Variants in MXRA5 observed in about 807,000 individuals in gnomAD.
MXRA5 encodes the protein matrix-remodeling-associated protein 5.
MXRA5 carries 41 observed loss-of-function variants against 112.5 expected under a neutral mutation model. The ratio of observed to expected loss-of-function variants is 0.36; its 90% CI spans 0.28 to 0.47. The LOEUF is 0.47. Among genes scored for constraint, MXRA5 ranks in the 20% least tolerant of loss-of-function variants. The pLI is 0.99. For missense variants in MXRA5, 2,150 were observed against 2,251.0 expected (o/e 0.96, Z 0.91); for synonymous variants, 862 against 900.8 (o/e 0.96, Z 0.77).
rs763030055 is a variant in MXRA5, at chrX:3,311,428, C to A, written c.6775G>T (p.Gly2259Cys). 2.5e-6 allele frequency: 3 copies of A among 1,210,021 alleles called. No individual in the cohort carries two copies. The highest frequency in any genetic ancestry group is 3.4e-6 in the Non-Finnish European group (3 of 895,325). Residue 2259 changes from glycine to cysteine, a missense_variant, in exon 7 of 7, where the codon GGT becomes TGT. Coordinates refer to ENST00000217939, the MANE Select transcript of MXRA5 (RefSeq NM_015419.4). Reference protein sequence around the residue: ...EENDHKVFYGGDLKVDCVATG... With the variant: ...EENDHKVFYGCDLKVDCVATG... ...GCCACACAGTCCACTTTCAGGTCAC[C>A]CCCGTAGAAGACTTTGTGGTCGTTC...
chrX:3,325,170 G>A (rs868807687), intron 4 of MXRA5, among the ~76,000 whole-genome samples, 195 bp from the exon 5 acceptor site: 10 of 111,251 alleles, frequency 9.0e-5, no homozygotes, highest in Middle Eastern at 4.6e-3. Context: ...GGTAACTAAC[G>A]GGTGCTTTAT....
Position 3,317,100 on chromosome X carries a change from T to C in MXRA5, c.6578+3A>G. 8.7e-7 allele frequency: 1 copy of C among 1,149,646 alleles called. No individual in the cohort carries two copies. The highest frequency in any genetic ancestry group is 1.2e-6 in the Non-Finnish European group (1 of 863,369). 94.7% of individuals were successfully genotyped at this position (1,149,646 alleles called of 1,213,427 possible). On this transcript the variant is annotated splice_donor_region_variant and intron_variant, in intron 6 of 6. Transcript: ENST00000217939. ...TTACAGGAAGCCACGCAGAGCTGCC[T>C]ACCTGAAGAGCGCGTCGATCATCCT...
intron 1 of MXRA5, among the ~76,000 whole-genome samples, chrX:3,344,900 G>A (rs767153065): frequency 2.2e-3 from 247 of 110,873 alleles, no homozygotes; most frequent in Middle Eastern, 4.6e-3. Flanking sequence ...ATCACCTGAG[G>A]TCAGGAGTTC....
At chrX:3,312,042 G>T (rs1356142650) in intron 6 of MXRA5, among the ~76,000 whole-genome samples, 1 of 112,278 alleles carries the variant, frequency 8.9e-6, no homozygotes, top group African/African-American at 3.2e-5. Context: ...TGGAGAAAAT[G>T]CTTTAGACAC....
chrX:3,325,086 C>A (rs1256270293), intron 4 of MXRA5, 111 bp from the exon 5 acceptor site: 16 of 918,219 alleles, frequency 1.7e-5, no homozygotes, highest in Non-Finnish European at 2.3e-5. Flanking sequence ...CAGCTGTAAT[C>A]CCATAAACAA....
rs1921377468 is a variant in MXRA5 at position 3,323,650 on chromosome X, T to C, written c.2035A>G (p.Arg679Gly). ...TKKGSGLPSK[R>G]GRRPGAKALS... ...GCCTTTGCACCTGGGCGTCTGCCTCTTTTGGATGGCAAGCCAGACCCTTTC... is the reference window on the plus strand; with the variant it reads ...GCCTTTGCACCTGGGCGTCTGCCTCCTTTGGATGGCAAGCCAGACCCTTTC... The change falls in exon 5 of 7, where the codon AGA becomes GGA. Residue 679 changes from arginine (R) to glycine (G), a missense_variant. By Grantham distance (125) the Arg-to-Gly change is moderately radical (BLOSUM62 -2). Coordinates refer to ENST00000217939, the MANE Select transcript of MXRA5 (RefSeq NM_015419.4). 1 of 1,211,108 alleles carries C rather than the reference T, an allele frequency of 8.3e-7. No individual in the cohort carries two copies. Among genetic ancestry groups the C allele is most frequent in the Non-Finnish European group, 1.1e-6 (1 of 895,057 alleles).
chrX:3,323,669 C>T lies in MXRA5; in HGVS notation c.2016G>A (p.Gly672=), dbSNP rs145077908. The T allele has an allele frequency of 9.8e-3, 11,878 of 1,208,611 alleles. 642 individuals are homozygous for T. The African/African-American group carries it at 0.17, about 17-fold the overall frequency. ...FTVGITVTKK[G]SGLPSKRGRR... is the part of the protein sequence containing the mutation. The stretch of plus-strand genomic sequence containing the variant: ...TGCCTCTTTTGGATGGCAAGCCAGA[C>T]CCTTTCTTGGTCACTGTGATTCCCA... The change falls in exon 5 of 7, where the codon GGG becomes GGA. Residue 672 remains glycine, a synonymous_variant. Transcript: ENST00000217939.
Position 3,321,877 on chromosome X carries a change from T to A in MXRA5, c.3808A>T (p.Thr1270Ser), listed in dbSNP as rs1921316492. 2.5e-6 allele frequency: 3 copies of A among 1,210,990 alleles called. No homozygotes were observed. Among genetic ancestry groups the A allele is most frequent in the Non-Finnish European group, 3.4e-6 (3 of 895,271 alleles). Residue 1270 changes from threonine (T) to serine (S), a missense_variant, in exon 5 of 7, where the codon ACT becomes TCT. Physicochemically the swap from Thr to Ser is moderately conservative, Grantham distance 58. Coordinates refer to ENST00000217939, the MANE Select transcript of MXRA5 (RefSeq NM_015419.4). Reference sequence around the variant, plus strand: ...AAAAGTATAGTTTCTGAACTGGGAGTAACAATGTTTCTATGTTTATTTTCT... The same window carrying A: ...AAAAGTATAGTTTCTGAACTGGGAGAAACAATGTTTCTATGTTTATTTTCT... ...SPENKHRNIV[T>S]PSSETILLPR...
Position 3,321,549 on chromosome X carries a change from G to A in MXRA5, c.4136C>T (p.Thr1379Ile), listed in dbSNP as rs149008511. Residue 1379 changes from threonine to isoleucine, a missense_variant, in exon 5 of 7, where the codon ACC becomes ATC. Around this residue, in one of 6 missense-constraint regions of MXRA5, gnomAD observed 1,485 missense variants for 1,471.6 expected, o/e 1.01. Transcript: ENST00000217939. Reference protein sequence around the residue: ...SSPVGFPGTPTWNPSRTAQPG... With the variant: ...SSPVGFPGTPIWNPSRTAQPG... The stretch of plus-strand genomic sequence containing the variant: ...CTGGGCCGTCCTTGAGGGATTCCAG[G>A]TTGGAGTTCCTGGAAAGCCTACAGG... 52 of 1,208,155 alleles carry A rather than the reference G, an allele frequency of 4.3e-5. No homozygotes were observed. In the Admixed American group the frequency reaches 1.1e-3, roughly 25 times the overall value.
chrX:3,321,214 G>T lies in MXRA5; in HGVS notation c.4471C>A (p.Pro1491Thr). 1 of 1,211,367 alleles carries T rather than the reference G, an allele frequency of 8.3e-7. No homozygotes were observed. Among genetic ancestry groups the T allele is most frequent in the Non-Finnish European group, 1.1e-6 (1 of 895,107 alleles). ...HTPTAARMKE[P>T]ASSSPSTILM... is the part of the protein sequence containing the mutation. ...ATTGTGGATGGGGACGAGGATGCTGGCTCCTTCATCCGGGCAGCAGTAGGG... is the reference window on the plus strand; with the variant it reads ...ATTGTGGATGGGGACGAGGATGCTGTCTCCTTCATCCGGGCAGCAGTAGGG... Residue 1491 changes from proline to threonine, a missense_variant, in exon 5 of 7, where the codon CCA becomes ACA. Pro to Thr is a conservative substitution (Grantham distance 38). This residue lies in a region of MXRA5 where 1,485 missense variants were observed against 1,471.6 expected (regional missense o/e 1.01). Transcript: ENST00000217939.
intron 4 of MXRA5, among the ~76,000 whole-genome samples, chrX:3,326,476 T>C (rs1921512580): frequency 9.6e-6 from 1 of 103,745 alleles, no homozygotes; most frequent in Non-Finnish European, 1.9e-5. Flanking sequence ...TTATATATAA[T>C]CAATATGTAT....
chrX:3,311,882 G>A (rs1487719806), intron 6 of MXRA5, among the ~76,000 whole-genome samples: 9 of 112,347 alleles, frequency 8.0e-5, no homozygotes, highest in African/African-American at 1.6e-4. Flanking sequence ...AGTCAAAGAC[G>A]TCAATCCCAT....
rs1334719872 is a variant in MXRA5 at position 3,321,567 on chromosome X, C to T, written c.4118G>A (p.Gly1373Asp). The T allele has an allele frequency of 8.3e-7, 1 of 1,207,782 alleles. No homozygotes were observed. The highest frequency in any genetic ancestry group is 1.7e-5 in the African/African-American group (1 of 57,198). Residue 1373 changes from glycine to aspartate, a missense_variant, in exon 5 of 7, where the codon GGC becomes GAC. Gly to Asp is a moderately conservative substitution (Grantham distance 94). Coordinates refer to ENST00000217939, the MANE Select transcript of MXRA5 (RefSeq NM_015419.4). ...GEFKEESSPVGFPGTPTWNPS... is the reference protein window; with the variant it reads ...GEFKEESSPVDFPGTPTWNPS... ...ATTCCAGGTTGGAGTTCCTGGAAAGCCTACAGGAGAGGATTCTTCCTTAAA... is the reference window on the plus strand; with the variant it reads ...ATTCCAGGTTGGAGTTCCTGGAAAGTCTACAGGAGAGGATTCTTCCTTAAA...
chrX:3,344,807 C>T (rs1313014209), intron 1 of MXRA5, among the ~76,000 whole-genome samples: 2 of 110,883 alleles, frequency 1.8e-5, no homozygotes, highest in Non-Finnish European at 1.9e-5. Flanking sequence ...CGAGCGCGAA[C>T]TGCTGATTAA....
In MXRA5 at chrX:3,311,380, T is replaced by G. The variant is rs746396396; in HGVS notation, c.6823A>C (p.Ile2275Leu). ...CVATGLPNPE[I>L]SWSLPDGSLV... ...CTCCCGTCTGGGAGGCTCCAGGAGATCTCGGGATTGGGAAGCCCGGTGGCC... is the reference window on the plus strand; with the variant it reads ...CTCCCGTCTGGGAGGCTCCAGGAGAGCTCGGGATTGGGAAGCCCGGTGGCC... Residue 2275 changes from isoleucine to leucine, a missense_variant, in exon 7 of 7, where the codon ATC becomes CTC. This residue lies in a region of MXRA5 where 1,485 missense variants were observed against 1,471.6 expected (regional missense o/e 1.01). Coordinates refer to ENST00000217939, the MANE Select transcript of MXRA5 (RefSeq NM_015419.4). 8.3e-7 allele frequency: 1 copy of G among 1,211,794 alleles called. No individual in the cohort carries two copies. The highest frequency in any genetic ancestry group is 1.1e-6 in the Non-Finnish European group (1 of 895,526).
rs147664410 is a variant in MXRA5, at chrX:3,317,540, G to A, written c.6141C>T (p.Pro2047=). 2.2e-3 allele frequency: 2,623 copies of A among 1,206,465 alleles called. 44 individuals are homozygous for A. In the African/African-American group the frequency reaches 0.039, roughly 18 times the overall value. The change falls in exon 6 of 7, where the codon CCC becomes CCT. Residue 2047 remains proline, a synonymous_variant. Transcript: ENST00000217939. ...AIRLHVAALP[P]VIHQEKLENI... is the part of the protein sequence containing the mutation. ...TCTCCAGCTTCTCCTGGTGGATAAC[G>A]GGGGGCAGTGCCGCCACGTGCAGGC... is the stretch of plus-strand genomic sequence containing the variant.
At chrX:3,338,571 ATAGG>A (rs1356286967) in intron 2 of MXRA5, among the ~76,000 whole-genome samples, 4 of 111,441 alleles carry the variant, frequency 3.6e-5, no homozygotes, top group South Asian at 3.9e-4. Context: ...GATAGAGATG[ATAGG>A]TAGGTAGATA....
At chrX:3,343,505 T>C in intron 2 of MXRA5, 141 bp downstream of exon 2, 1 of 599,386 alleles carries the variant, frequency 1.7e-6, no homozygotes, top group Non-Finnish European at 2.5e-6. Flanking sequence ...ATTCTGCCCA[T>C]CTGCAGCTCC....
In MXRA5 at chrX:3,317,660, G is replaced by A. The variant is rs1921185314; in HGVS notation, c.6021C>T (p.Asn2007=). 1 of 1,203,426 alleles carries A rather than the reference G, an allele frequency of 8.3e-7. No individual in the cohort carries two copies. The highest frequency in any genetic ancestry group is 1.1e-6 in the Non-Finnish European group (1 of 890,464). Reference sequence around the variant, plus strand: ...ACGCCTCCTTGATGGAAAGGGTCCGGTTTTCGTGCAGGGTGATGCGGCCCT... The same window carrying A: ...ACGCCTCCTTGATGGAAAGGGTCCGATTTTCGTGCAGGGTGATGCGGCCCT... ...PVEGRITLHE[N]RTLSIKEASF... The change falls in exon 6 of 7, where the codon AAC becomes AAT. Residue 2007 remains asparagine, a synonymous_variant. Transcript: ENST00000217939.
Sources: gnomAD v4.1 joint callset for allele counts (sites outside exome capture counted in the v4.1 genomes callset) on GRCh38, gnomAD v4.1.1 for gene constraint, gnomAD v4.1.1 regional missense constraint, MANE v1.5 for transcripts, NCBI Gene and HGNC (gene_info 2026-07-23, HGNC 2026-07-21) for gene names.